GLYATL1: variants seen among roughly 807,000 people sequenced by gnomAD.
The protein encoded by GLYATL1 is glycine N-acyltransferase-like protein 1.
A neutral mutation model predicts 20.0 loss-of-function variants in GLYATL1; 15 were observed. That is an observed-to-expected ratio of 0.75 (90% CI 0.50 to 1.15). The LOEUF is 1.15. GLYATL1 is among the 50% of genes most tolerant of loss of function. The pLI is 0.00. For synonymous variants in GLYATL1, 151 were observed against 131.5 expected, an observed-to-expected ratio of 1.15 and a Z score of -1.01; for missense variants, 380 against 368.5, an observed-to-expected ratio of 1.03 and a Z score of -0.26.
chr11:58,943,413 T>C (rs1856317472), intron 1 of GLYATL1, 130 bp from the exon 2 acceptor site: 10 of 1,528,304 alleles, frequency 6.5e-6, no homozygotes, highest in Non-Finnish European at 8.8e-6. Flanking sequence ...ATAAATTCAT[T>C]TTGACCACGA....
intron 4 of GLYATL1, among the ~76,000 whole-genome samples, chr11:58,951,259 C>T (rs1161557443): frequency 6.6e-6 from 1 of 152,056 alleles, no homozygotes; most frequent in Non-Finnish European, 1.5e-5. Context: ...TTATATTAAT[C>T]TTCCTTATGG....
At chr11:58,936,057 A>T (rs753869015), upstream of GLYATL1, among the ~76,000 whole-genome samples, 5 of 152,216 alleles carry the variant, frequency 3.3e-5, no homozygotes, top group Admixed American at 1.3e-4. Flanking sequence ...TTTTCTGATG[A>T]TAAGTATAAT....
At chr11:58,905,527 C>T (rs1854844556) in exon 1 of GLYATL1, 2 of 456,142 alleles carry the variant, frequency 4.4e-6, no homozygotes, top group African/African-American at 2.0e-5. Context: ...AATCAAAAGG[C>T]GGAAAAAGCG....
downstream of GLYATL1, among the ~76,000 whole-genome samples, chr11:58,910,716 AACG>A (rs1855019681): frequency 6.6e-6 from 1 of 152,344 alleles, no homozygotes; most frequent in Middle Eastern, 3.4e-3. Flanking sequence ...AGTTACAAAA[AACG>A]ATGATAGAAA....
chr11:58,909,868 T>C (rs995480447), downstream of GLYATL1, among the ~76,000 whole-genome samples: 2 of 152,208 alleles, frequency 1.3e-5, no homozygotes, highest in Admixed American at 1.3e-4. Context: ...GCAGAGCTCT[T>C]AATTCAGTTT....
intron 1 of GLYATL1, among the ~76,000 whole-genome samples, chr11:58,922,532 T>A (rs1028408702): frequency 6.6e-6 from 1 of 152,166 alleles, no homozygotes; most frequent in Admixed American, 6.5e-5. Context: ...TCCTTTAACT[T>A]CCTGAAGCTC....
At chr11:58,945,592 C>G (rs1253492848) in intron 2 of GLYATL1, among the ~76,000 whole-genome samples, 1 of 152,084 alleles carries the variant, frequency 6.6e-6, no homozygotes, top group Non-Finnish European at 1.5e-5. Context: ...CATGGTAGAT[C>G]TTGAATTAAA....
chr11:58,949,948 A>ACCTCG, intron 4 of GLYATL1, among the ~76,000 whole-genome samples: 1 of 149,572 alleles, frequency 6.7e-6, no homozygotes, highest in South Asian at 2.1e-4. Flanking sequence ...ATAACCTCTT[A>ACCTCG]CCTCCCCTCC....
chr11:58,927,770 G>A (rs1015549285), exon 1 of GLYATL1: 2 of 152,170 alleles, frequency 1.3e-5, no homozygotes, highest in African/African-American at 4.8e-5. Flanking sequence ...TGCTTAAGAC[G>A]GGAACTGATA....
intron 1 of GLYATL1, among the ~76,000 whole-genome samples, chr11:58,919,289 C>A (rs779211184): frequency 3.5e-4 from 53 of 152,140 alleles, no homozygotes; most frequent in Non-Finnish European, 6.2e-4. Flanking sequence ...GGTGAATACC[C>A]AGTTTGTTTG....
At chr11:58,953,014 A>G (rs1013567220) in intron 4 of GLYATL1, among the ~76,000 whole-genome samples, 11 of 152,334 alleles carry the variant, frequency 7.2e-5, no homozygotes, top group Admixed American at 5.2e-4. Context: ...AATAGCAAAG[A>G]CAGGGAATCA....
At chr11:58,915,285 G>C (rs1342312581) in intron 1 of GLYATL1, among the ~76,000 whole-genome samples, 1 of 152,170 alleles carries the variant, frequency 6.6e-6, no homozygotes, top group East Asian at 1.9e-4. Flanking sequence ...TCTCCTCCTG[G>C]TGAGGTGAAA....
chr11:58,919,154 T>C (rs1590769752), intron 1 of GLYATL1, among the ~76,000 whole-genome samples: 2 of 152,374 alleles, frequency 1.3e-5, no homozygotes, highest in Admixed American at 1.3e-4. Context: ...CACCCAGCCA[T>C]GTACTTTTGG....
chr11:58,920,263 C>T (rs899006412), intron 1 of GLYATL1, among the ~76,000 whole-genome samples: 2 of 152,064 alleles, frequency 1.3e-5, no homozygotes, highest in African/African-American at 4.8e-5. Context: ...TTTCCTCCTG[C>T]AACTGCAGGA....
chr11:58,927,489 T>A (rs370178805), upstream of GLYATL1: 13 of 152,372 alleles, frequency 8.5e-5, 1 homozygote, highest in East Asian at 1.5e-3. Context: ...CAGGCACCCA[T>A]TGGCTGTTCC....
At chr11:58,954,109 T>TA (rs536143771) in intron 4 of GLYATL1, among the ~76,000 whole-genome samples, 158 of 152,340 alleles carry the variant, frequency 1.0e-3, no homozygotes, top group African/African-American at 3.6e-3. Flanking sequence ...AAGGTCTCGT[T>TA]AGTGTTTATA....
At chr11:58,939,787 C>T (rs923900365) in intron 1 of GLYATL1, 137 bp downstream of exon 1, 1 of 152,148 alleles carries the variant, frequency 6.6e-6, no homozygotes, top group Non-Finnish European at 1.5e-5. Context: ...TCAGTATGGA[C>T]ATTCTTGGGG....
chr11:58,946,969 TTGAA>T, intron 2 of GLYATL1, 73 bp from the exon 3 acceptor site: 6 of 1,016,400 alleles, frequency 5.9e-6, no homozygotes, highest in Admixed American at 1.7e-5. Context: ...CGAGTGTTAC[TTGAA>T]TGGAGATGTA....
At chr11:58,937,467 G>C (rs1442581380), upstream of GLYATL1, among the ~76,000 whole-genome samples, 1 of 152,166 alleles carries the variant, frequency 6.6e-6, no homozygotes, top group African/African-American at 2.4e-5. Context: ...GAGAGCATGA[G>C]AGTCTCATGG....
Sources: allele counts gnomAD v4.1 joint callset (sites outside exome capture counted in the v4.1 genomes callset), GRCh38; gene constraint gnomAD v4.1.1; transcripts MANE v1.5; gene names NCBI Gene and HGNC (gene_info 2026-07-23, HGNC 2026-07-21).